EFNA5: variants seen among roughly 807,000 people sequenced by gnomAD.
EFNA5 encodes ephrin A5.
Under a neutral mutation model 22.9 loss-of-function variants are expected in EFNA5, and 5 were observed. The ratio of observed to expected loss-of-function variants is 0.22; its 90% CI spans 0.11 to 0.46. The LOEUF is 0.46. Among genes scored for constraint, EFNA5 ranks in the 20% least tolerant of loss-of-function variants. The pLI is 0.99. For synonymous variants in EFNA5, 113 were observed against 112.2 expected (o/e 1.01, Z -0.04); for missense variants, 237 against 293.3 (o/e 0.81, Z 1.40).
intron 2 of EFNA5, among the ~76,000 whole-genome samples, chr5:107,411,838 C>T (rs770642554): frequency 2.0e-5 from 3 of 152,146 alleles, no homozygotes; most frequent in Non-Finnish European, 4.4e-5. Flanking sequence ...TCCTAAAGCA[C>T]TGGAATTACA....
At chr5:107,453,948 T>A (rs1580461670) in intron 1 of EFNA5, among the ~76,000 whole-genome samples, 1 of 31,814 alleles carries the variant, frequency 3.1e-5, no homozygotes, top group Non-Finnish European at 5.5e-5. Context: ...GGAGTGTGAG[T>A]GTGTGTGTGT....
chr5:107,640,952 C>G (rs1312650391), intron 1 of EFNA5, among the ~76,000 whole-genome samples: 1 of 143,740 alleles, frequency 7.0e-6, no homozygotes, highest in Admixed American at 7.0e-5. Flanking sequence ...ATTTTAGCAA[C>G]CTGGTAGGTA....
chr5:107,525,569 T>C (rs1580512109), intron 1 of EFNA5, among the ~76,000 whole-genome samples: 1 of 152,232 alleles, frequency 6.6e-6, no homozygotes, highest in Non-Finnish European at 1.5e-5. Flanking sequence ...ATGTATTATA[T>C]ACTATATTCT....
intron 1 of EFNA5, among the ~76,000 whole-genome samples, chr5:107,641,202 C>T (rs1214711009): frequency 2.6e-5 from 4 of 151,578 alleles, no homozygotes; most frequent in Non-Finnish European, 4.4e-5. Flanking sequence ...ACTAAAAATA[C>T]AAAAAATTAG....
chr5:107,499,162 A>C (rs1455299610), intron 1 of EFNA5, among the ~76,000 whole-genome samples: 1 of 152,222 alleles, frequency 6.6e-6, no homozygotes, highest in African/African-American at 2.4e-5. Context: ...GAAGATGTCA[A>C]AAAAAGAGAA....
intron 1 of EFNA5, among the ~76,000 whole-genome samples, chr5:107,484,060 G>A (rs779377444): frequency 6.6e-6 from 1 of 152,156 alleles, no homozygotes; most frequent in Non-Finnish European, 1.5e-5. Context: ...TGAGAACTGT[G>A]TACTGTCCCA....
intron 1 of EFNA5, among the ~76,000 whole-genome samples, chr5:107,561,414 G>A (rs1322463640): frequency 6.6e-6 from 1 of 152,012 alleles, no homozygotes; most frequent in Non-Finnish European, 1.5e-5. Context: ...TATCACCCAG[G>A]CTGGAGTGCA....
At chr5:107,529,861 T>G (rs1282112604) in intron 1 of EFNA5, among the ~76,000 whole-genome samples, 1 of 152,232 alleles carries the variant, frequency 6.6e-6, no homozygotes, top group South Asian at 2.1e-4. Flanking sequence ...GACAGCATCC[T>G]ACATACAAAT....
At chr5:107,640,629 G>A (rs545692314) in intron 1 of EFNA5, among the ~76,000 whole-genome samples, 1 of 152,328 alleles carries the variant, frequency 6.6e-6, no homozygotes, top group African/African-American at 2.4e-5. Context: ...CAAACAGAGA[G>A]ATCATTCAGC....
At chr5:107,600,885 T>C (rs941218479) in intron 1 of EFNA5, among the ~76,000 whole-genome samples, 1 of 152,096 alleles carries the variant, frequency 6.6e-6, no homozygotes. Flanking sequence ...GAGGACAGGT[T>C]AGAGGAGAGA....
intron 2 of EFNA5, among the ~76,000 whole-genome samples, chr5:107,420,313 A>G (rs915374541): frequency 6.6e-6 from 1 of 152,154 alleles, no homozygotes; most frequent in African/African-American, 2.4e-5. Context: ...GGATTACTGA[A>G]GTTGTTATTT....
At chr5:107,465,618 A>G (rs1355752832) in intron 1 of EFNA5, among the ~76,000 whole-genome samples, 1 of 152,152 alleles carries the variant, frequency 6.6e-6, no homozygotes, top group Non-Finnish European at 1.5e-5. Context: ...AGGTAGTTAA[A>G]TAACTATCAG....
At chr5:107,597,113 A>G (rs1749490144) in intron 1 of EFNA5, among the ~76,000 whole-genome samples, 2 of 152,326 alleles carry the variant, frequency 1.3e-5, no homozygotes, top group African/African-American at 2.4e-5. Flanking sequence ...AAACTGTTTT[A>G]AGAAATACGT....
intron 1 of EFNA5, among the ~76,000 whole-genome samples, chr5:107,544,302 ACACAGGG>A (rs1748106285): frequency 6.6e-6 from 1 of 152,182 alleles, no homozygotes; most frequent in African/African-American, 2.4e-5. Context: ...GCTCAGCCCC[ACACAGGG>A]CTTTGAAAAT....
intron 1 of EFNA5, among the ~76,000 whole-genome samples, chr5:107,622,746 G>T (rs1389446264): frequency 1.3e-5 from 2 of 152,106 alleles, no homozygotes; most frequent in African/African-American, 4.8e-5. Flanking sequence ...ACTCGGCCGG[G>T]CGCGGTGGCT....
chr5:107,669,364 G>A lies in EFNA5; in HGVS notation c.125+1125C>T, dbSNP rs989924290. On this transcript the variant is annotated intron_variant, in intron 1 of 4. Coordinates refer to ENST00000333274, the MANE Select transcript of EFNA5 (RefSeq NM_001962.3). ...ATGCAATCGGTACTATTAATAAATA[G>A]CACCTAGGAGGGCACCGAGACCGGC... 6.3e-4 allele frequency among the ~76,000 whole-genome samples: 96 copies of A among 151,806 alleles called. 1 individual carries two copies. Among genetic ancestry groups the A allele is most frequent in the African/African-American group, 2.3e-3 (94 of 41,354 alleles).
intron 1 of EFNA5, among the ~76,000 whole-genome samples, chr5:107,639,543 A>C (rs1331676133): frequency 6.6e-6 from 1 of 152,224 alleles, no homozygotes; most frequent in African/African-American, 2.4e-5. Flanking sequence ...GCTTGAAAAG[A>C]GACTGACACA....
intron 2 of EFNA5, among the ~76,000 whole-genome samples, chr5:107,396,006 A>G (rs1406501848): frequency 6.6e-6 from 1 of 152,248 alleles, no homozygotes; most frequent in Non-Finnish European, 1.5e-5. Context: ...GCAAAGCCAC[A>G]AATCCCATTC....
intron 1 of EFNA5, among the ~76,000 whole-genome samples, chr5:107,513,268 G>A (rs1294870059): frequency 6.6e-6 from 1 of 152,160 alleles, no homozygotes; most frequent in East Asian, 1.9e-4. Context: ...GAGGGAGAGA[G>A]AGAGAGAGAG....
Sources: allele counts gnomAD v4.1 joint callset (sites outside exome capture counted in the v4.1 genomes callset), GRCh38; gene constraint gnomAD v4.1.1; transcripts MANE v1.5; gene names NCBI Gene and HGNC (gene_info 2026-07-23, HGNC 2026-07-21).